The following VEPH1 variants were observed in gnomAD, a reference collection of about 807,000 sequenced individuals.
The protein encoded by VEPH1 is ventricular zone expressed PH domain containing 1.
In VEPH1, 80 loss-of-function variants were observed where a neutral mutation model predicts 85.2. The ratio of observed to expected loss-of-function variants is 0.94; its 90% CI spans 0.78 to 1.13. The LOEUF is 1.13. VEPH1 is among the 50% of genes most tolerant of loss of function. The pLI is 0.00. For synonymous variants in VEPH1, 297 were observed against 348.0 expected (o/e 0.85, Z 1.63); for missense variants, 955 against 980.5 (o/e 0.97, Z 0.35).
intron 4 of VEPH1, chr3:157,459,520 G>T: frequency 3.7e-6 from 3 of 811,560 alleles, no homozygotes; most frequent in East Asian, 9.1e-5. Context: ...ACATTTGGAT[G>T]CACATCAATT....
chr3:157,305,058 A>ATCTATCTATCTATCTATCTG (rs1719318420), intron 11 of VEPH1, among the ~76,000 whole-genome samples: 1 of 143,128 alleles, frequency 7.0e-6, no homozygotes, highest in Non-Finnish European at 1.5e-5. Context: ...CTATCTATCT[A>ATCTATCTATCTATCTATCTG]TCTATCTATC....
chr3:157,477,080 G>T (rs1737539323), intron 2 of VEPH1, among the ~76,000 whole-genome samples: 1 of 152,158 alleles, frequency 6.6e-6, no homozygotes, highest in Admixed American at 6.6e-5. Context: ...ACTGGCTCAA[G>T]AATTTGTGTT....
At chr3:157,485,266 C>T (rs1194328232) in intron 2 of VEPH1, among the ~76,000 whole-genome samples, 3 of 152,112 alleles carry the variant, frequency 2.0e-5, no homozygotes, top group Non-Finnish European at 2.9e-5. Flanking sequence ...AACAAGGTAT[C>T]TAATTCAGTT....
intron 2 of VEPH1, among the ~76,000 whole-genome samples, chr3:157,475,153 T>A (rs538701805): frequency 4.8e-4 from 67 of 138,474 alleles, no homozygotes; most frequent in African/African-American, 1.9e-3. Context: ...CTAATTTTTT[T>A]AATTTTTTTT....
intron 10 of VEPH1, among the ~76,000 whole-genome samples, chr3:157,314,605 T>A (rs1182211976): frequency 6.6e-6 from 1 of 152,104 alleles, no homozygotes; most frequent in South Asian, 2.1e-4. Flanking sequence ...AAAATTCAAA[T>A]AGAGTACAAA....
At chr3:157,418,579 G>A (rs527511747) in intron 5 of VEPH1, among the ~76,000 whole-genome samples, 21 of 152,044 alleles carry the variant, frequency 1.4e-4, no homozygotes, top group African/African-American at 4.6e-4. Flanking sequence ...ATTCCCATTC[G>A]CAATTGCTGC....
intron 4 of VEPH1, among the ~76,000 whole-genome samples, chr3:157,433,881 T>G (rs1462446581): frequency 6.6e-6 from 1 of 152,224 alleles, no homozygotes; most frequent in Non-Finnish European, 1.5e-5. Flanking sequence ...ATATCAAGCT[T>G]TAAGTTATGT....
intron 12 of VEPH1, among the ~76,000 whole-genome samples, chr3:157,268,257 A>T (rs1714022072): frequency 6.6e-6 from 1 of 152,150 alleles, no homozygotes; most frequent in African/African-American, 2.4e-5. Context: ...GTTCCTTGAG[A>T]TCAGGAACAG....
intron 2 of VEPH1, among the ~76,000 whole-genome samples, chr3:157,486,320 AC>A (rs1204819619): frequency 2.6e-5 from 4 of 151,990 alleles, no homozygotes; most frequent in Admixed American, 6.6e-5. Flanking sequence ...ACATGGTGAA[AC>A]CCCGTCTATA....
intron 4 of VEPH1, among the ~76,000 whole-genome samples, chr3:157,432,093 C>T (rs1230594659): frequency 6.6e-6 from 1 of 152,016 alleles, no homozygotes; most frequent in East Asian, 1.9e-4. Context: ...TGTGATCTGC[C>T]CGCCTCAGCC....
rs529205950 is a variant in VEPH1, at chr3:157,269,084, A to G, written c.2129-3422T>C. 2.6e-5 allele frequency among the ~76,000 whole-genome samples: 4 copies of G among 152,354 alleles called. No individual in the cohort carries two copies. In the South Asian group the frequency reaches 8.3e-4, roughly 32 times the overall value. On this transcript the variant is annotated intron_variant, in intron 12 of 13. Transcript: ENST00000362010. ...ACATTTGAAATAGTTATGATATCTG[A>G]GATGATTTGAAATAATGATTGACTT...
chr3:157,313,435 ACTGGTACCACT>A (rs1297098415), intron 11 of VEPH1, among the ~76,000 whole-genome samples, 175 bp downstream of exon 11: 1 of 152,196 alleles, frequency 6.6e-6, no homozygotes, highest in Non-Finnish European at 1.5e-5. Context: ...GTCCTTGTTT[ACTGGTACCACT>A]CTATTCTGAA....
At chr3:157,412,035 G>T (rs983248880) in intron 6 of VEPH1, among the ~76,000 whole-genome samples, 1 of 152,070 alleles carries the variant, frequency 6.6e-6, no homozygotes, top group Non-Finnish European at 1.5e-5. Flanking sequence ...CATGAGATGT[G>T]GGGTAGCACC....
At chr3:157,349,794 C>T (rs1172411448) in intron 9 of VEPH1, among the ~76,000 whole-genome samples, 4 of 152,086 alleles carry the variant, frequency 2.6e-5, no homozygotes, top group African/African-American at 9.7e-5. Context: ...CAAACCACCA[C>T]CACCTACGAA....
intron 4 of VEPH1, among the ~76,000 whole-genome samples, chr3:157,454,564 G>A (rs1735216876): frequency 6.6e-6 from 1 of 152,212 alleles, no homozygotes; most frequent in Non-Finnish European, 1.5e-5. Context: ...GAGCCCAGGG[G>A]AAGGAAAGAC....
At chr3:157,447,594 CTTTTTTTTT>C (rs10719525) in intron 4 of VEPH1, among the ~76,000 whole-genome samples, 7 of 133,112 alleles carry the variant, frequency 5.3e-5, no homozygotes, top group African/African-American at 5.7e-5. Flanking sequence ...TGCTTCCAAT[CTTTTTTTTT>C]TTTTTTTTTG....
At chr3:157,446,120 G>A (rs1012758925) in intron 4 of VEPH1, among the ~76,000 whole-genome samples, 1 of 152,004 alleles carries the variant, frequency 6.6e-6, no homozygotes, top group Admixed American at 6.6e-5. Context: ...GCATAGTAAA[G>A]TAATTGTGCA....
At chr3:157,489,579 C>T (rs1183809802) in intron 2 of VEPH1, among the ~76,000 whole-genome samples, 8 of 152,222 alleles carry the variant, frequency 5.3e-5, no homozygotes, top group East Asian at 3.9e-4. Flanking sequence ...TTCAAGCCTC[C>T]GATATCCTGT....
chr3:157,367,199 T>A (rs1483410179), intron 7 of VEPH1, among the ~76,000 whole-genome samples: 1 of 152,206 alleles, frequency 6.6e-6, no homozygotes, highest in Non-Finnish European at 1.5e-5. Flanking sequence ...AAAATATACA[T>A]TGGTAGATTG....
Sources: allele counts gnomAD v4.1 joint callset (sites outside exome capture counted in the v4.1 genomes callset), GRCh38; gene constraint gnomAD v4.1.1; transcripts MANE v1.5; gene names NCBI Gene and HGNC (gene_info 2026-07-23, HGNC 2026-07-21).